The following ACCSL variants were observed in gnomAD, a reference collection of about 807,000 sequenced individuals.
The protein encoded by ACCSL is 1-aminocyclopropane-1-carboxylate synthase homolog (inactive) like, also known as probable inactive 1-aminocyclopropane-1-carboxylate synthase-like protein 2.
ACCSL carries 55 observed loss-of-function variants against 61.7 expected under a neutral mutation model. The observed-to-expected ratio is 0.89, with a 90% CI of 0.72 to 1.12. The LOEUF is 1.12. ACCSL is among the 50% of genes most tolerant of loss of function. The probability of loss-of-function intolerance (pLI) is 0.00; values close to 1 mark genes in which losing one functional copy is unlikely to be tolerated. For missense variants in ACCSL, 632 were observed against 698.0 expected, an observed-to-expected ratio of 0.91 and a Z score of 1.07; for synonymous variants, 258 against 264.3, an observed-to-expected ratio of 0.98 and a Z score of 0.23.
chr11:44,057,685 C>T (rs1952679841), intron 11 of ACCSL, among the ~76,000 whole-genome samples: 1 of 150,034 alleles, frequency 6.7e-6, no homozygotes, highest in Non-Finnish European at 1.5e-5. Flanking sequence ...AGCTGCGAGT[C>T]CCTGCTGCTT....
At chr11:44,057,920 C>A (rs1366315389) in intron 11 of ACCSL, among the ~76,000 whole-genome samples, 1 of 152,206 alleles carries the variant, frequency 6.6e-6, no homozygotes, top group African/African-American at 2.4e-5. Flanking sequence ...CACCTAAAAT[C>A]CCAGCACTTT....
At chr11:43,983,245 A>G in the ACCSL span, among the ~76,000 whole-genome samples, 1 of 152,230 alleles carries the variant, frequency 6.6e-6, no homozygotes, top group Non-Finnish European at 1.5e-5. Flanking sequence ...GGGTTTTAGA[A>G]TAAAGGTGCT....
the ACCSL span, among the ~76,000 whole-genome samples, chr11:43,977,019 G>C: frequency 6.6e-6 from 1 of 152,222 alleles, no homozygotes; most frequent in East Asian, 1.9e-4. Context: ...GCCTTGAATG[G>C]AAATGGCCTC....
At chr11:44,047,845 G>A (rs971695035), upstream of ACCSL, 3 of 662,906 alleles carry the variant, frequency 4.5e-6, no homozygotes, top group Admixed American at 3.0e-5. Flanking sequence ...CTAAAGAGTA[G>A]GTAACTCTTC....
chr11:43,932,919 G>T, the ACCSL span, among the ~76,000 whole-genome samples: 1 of 152,212 alleles, frequency 6.6e-6, no homozygotes, highest in African/African-American at 2.4e-5. Flanking sequence ...AGAGCCTAGG[G>T]CTCTGAGAGC....
chr11:44,040,417 G>A, the ACCSL span, among the ~76,000 whole-genome samples: 4 of 152,172 alleles, frequency 2.6e-5, no homozygotes, highest in Non-Finnish European at 5.9e-5. Flanking sequence ...GGTGGGCGTT[G>A]CAAAGCCTTT....
the ACCSL span, among the ~76,000 whole-genome samples, chr11:43,922,639 A>C: frequency 1.3e-5 from 2 of 152,236 alleles, no homozygotes; most frequent in Admixed American, 6.5e-5. Flanking sequence ...ATTCTCAGCC[A>C]ACTTTCCTTG....
chr11:44,051,132 T>A (rs944641230), intron 3 of ACCSL, among the ~76,000 whole-genome samples: 3 of 152,228 alleles, frequency 2.0e-5, no homozygotes, highest in African/African-American at 7.2e-5. Context: ...TGAGCCACTG[T>A]GCCCGGCCAA....
the ACCSL span, among the ~76,000 whole-genome samples, chr11:43,960,966 C>T: frequency 6.6e-6 from 1 of 152,018 alleles, no homozygotes; most frequent in Non-Finnish European, 1.5e-5. Flanking sequence ...TTACAGGTGC[C>T]TGCCACCACA....
chr11:44,053,990 T>C (rs1335547102), intron 8 of ACCSL, among the ~76,000 whole-genome samples: 2 of 152,360 alleles, frequency 1.3e-5, no homozygotes, highest in Non-Finnish European at 2.9e-5. Context: ...GCCATTTCCT[T>C]TCTAGCCTCA....
chr11:44,008,365 T>A, the ACCSL span, among the ~76,000 whole-genome samples: 2 of 152,182 alleles, frequency 1.3e-5, no homozygotes, highest in African/African-American at 4.8e-5. Context: ...CCGGGGCTGG[T>A]GCCTGGACTG....
At chr11:44,046,602 GTGTT>G (rs1952598921), upstream of ACCSL, among the ~76,000 whole-genome samples, 1 of 152,224 alleles carries the variant, frequency 6.6e-6, no homozygotes, top group Admixed American at 6.5e-5. Flanking sequence ...GTTGGACAGA[GTGTT>G]TGGTACTCTG....
the ACCSL span, chr11:43,925,422 G>A: frequency 2.2e-6 from 1 of 456,066 alleles, no homozygotes; most frequent in African/African-American, 2.0e-5. Flanking sequence ...TCTCCACGCT[G>A]CACCAGCCAG....
At chr11:43,997,454 T>G in the ACCSL span, among the ~76,000 whole-genome samples, 1 of 152,184 alleles carries the variant, frequency 6.6e-6, no homozygotes, top group Non-Finnish European at 1.5e-5. Flanking sequence ...GCTTTCTGGG[T>G]CTGCTAAGTC....
At chr11:43,959,339 T>C in the ACCSL span, among the ~76,000 whole-genome samples, 1 of 152,122 alleles carries the variant, frequency 6.6e-6, no homozygotes, top group Admixed American at 6.6e-5. Flanking sequence ...TGCCTAGAGA[T>C]CCTCATGACA....
At chr11:43,922,584 G>A in the ACCSL span, among the ~76,000 whole-genome samples, 1 of 152,206 alleles carries the variant, frequency 6.6e-6, no homozygotes, top group African/African-American at 2.4e-5. Flanking sequence ...CATTGGGGAA[G>A]CTCCTTTTGA....
chr11:43,936,581 C>G, the ACCSL span, among the ~76,000 whole-genome samples: 1 of 151,904 alleles, frequency 6.6e-6, no homozygotes, highest in African/African-American at 2.4e-5. Context: ...ACACTGGCAC[C>G]CAGGGGCATT....
At chr11:43,953,544 T>TGAG in the ACCSL span, among the ~76,000 whole-genome samples, 1 of 137,858 alleles carries the variant, frequency 7.3e-6, no homozygotes, top group African/African-American at 2.7e-5. Context: ...AAAAAAAGGA[T>TGAG]GAGGTAAAAA....
chr11:43,941,547 C>G, the ACCSL span, among the ~76,000 whole-genome samples: 1 of 152,228 alleles, frequency 6.6e-6, no homozygotes, highest in African/African-American at 2.4e-5. Context: ...CTCACAGTTT[C>G]CTCTTGGGAG....
Sources: gnomAD v4.1 joint callset for allele counts (sites outside exome capture counted in the v4.1 genomes callset) on GRCh38, gnomAD v4.1.1 for gene constraint, MANE v1.5 for transcripts, NCBI Gene and HGNC (gene_info 2026-07-23, HGNC 2026-07-21) for gene names.